The following AK7 variants were observed in gnomAD, a reference collection of about 807,000 sequenced individuals.
AK7 encodes adenylate kinase 7.
Under a neutral mutation model 96.6 loss-of-function variants are expected in AK7, and 78 were observed. The ratio of observed to expected loss-of-function variants is 0.81; its 90% CI spans 0.67 to 0.97. AK7 has a LOEUF of 0.97. Ranked by LOEUF, AK7 falls within the 50% of genes least tolerant of loss-of-function variation. AK7 has a pLI of 0.00. For missense variants in AK7, 855 were observed against 887.9 expected (o/e 0.96, Z 0.47); for synonymous variants, 302 against 317.2 (o/e 0.95, Z 0.51).
chr14:96,452,649 C>A (rs1254127658), intron 10 of AK7, among the ~76,000 whole-genome samples: 1 of 151,592 alleles, frequency 6.6e-6, no homozygotes, highest in African/African-American at 2.4e-5. Flanking sequence ...CTTTTTCTTT[C>A]TTTCTTTCTT....
chr14:96,437,554 C>T (rs555971060), intron 5 of AK7, among the ~76,000 whole-genome samples: 10 of 152,106 alleles, frequency 6.6e-5, no homozygotes, highest in East Asian at 1.9e-4. Flanking sequence ...CCCTCAGTGC[C>T]GAGCATAGAG....
At chr14:96,448,722 C>T (rs1893394569) in intron 8 of AK7, among the ~76,000 whole-genome samples, 1 of 150,958 alleles carries the variant, frequency 6.6e-6, no homozygotes, top group African/African-American at 2.4e-5. Context: ...TTGGGAGGCC[C>T]AGGCAGGCAG....
At chr14:96,452,204 T>C (rs559141066) in intron 10 of AK7, among the ~76,000 whole-genome samples, 4 of 152,368 alleles carry the variant, frequency 2.6e-5, no homozygotes, top group Admixed American at 6.5e-5. Flanking sequence ...GTGGAATGGC[T>C]AAATCGAGCT....
intron 6 of AK7, among the ~76,000 whole-genome samples, chr14:96,440,470 C>T (rs1353540315): frequency 4.6e-5 from 7 of 152,152 alleles, no homozygotes; most frequent in Non-Finnish European, 7.3e-5. Flanking sequence ...ATGACTGATA[C>T]CAATGACTCA....
At chr14:96,412,527 C>T (rs151108543) in intron 4 of AK7, among the ~76,000 whole-genome samples, 3,083 of 147,332 alleles carry the variant, frequency 0.021, 51 homozygotes, top group Non-Finnish European at 0.031. Flanking sequence ...TGCGCCCGGC[C>T]GTGACTCCTG....
At chr14:96,488,239 T>C in intron 17 of AK7, 66 bp from the exon 18 acceptor site, 1 of 1,455,820 alleles carries the variant, frequency 6.9e-7, no homozygotes, top group Non-Finnish European at 9.6e-7. Context: ...TTGTAAACAT[T>C]ACTAATACAA....
chr14:96,485,246 A>G (rs1221255233), intron 16 of AK7, among the ~76,000 whole-genome samples: 1 of 152,142 alleles, frequency 6.6e-6, no homozygotes, highest in Admixed American at 6.6e-5. Context: ...TCTGTTTGTT[A>G]AGCATTTATG....
chr14:96,477,530 C>T (rs1895253643), intron 14 of AK7, among the ~76,000 whole-genome samples: 1 of 152,212 alleles, frequency 6.6e-6, no homozygotes, highest in Non-Finnish European at 1.5e-5. Context: ...CTAAGAATCA[C>T]AACTCACCTT....
chr14:96,473,791 C>T (rs1895034255), intron 14 of AK7, among the ~76,000 whole-genome samples: 1 of 152,178 alleles, frequency 6.6e-6, no homozygotes, highest in Non-Finnish European at 1.5e-5. Flanking sequence ...ATGTAGCCTC[C>T]TTCCCTGCCC....
At chr14:96,422,590 A>G (rs1015666263) in intron 5 of AK7, among the ~76,000 whole-genome samples, 7 of 152,162 alleles carry the variant, frequency 4.6e-5, no homozygotes, top group Non-Finnish European at 8.8e-5. Flanking sequence ...TGGGATAGGA[A>G]TCTTGGTGAT....
At chr14:96,482,353 T>G (rs960025527) in intron 15 of AK7, among the ~76,000 whole-genome samples, 1 of 152,222 alleles carries the variant, frequency 6.6e-6, no homozygotes, top group Non-Finnish European at 1.5e-5. Flanking sequence ...AGTACCAAAA[T>G]GTGTCTGCTG....
rs543148922 is a variant in AK7 at position 96,438,295 on chromosome 14, T to G, written c.690+380T>G. On this transcript the variant is annotated intron_variant, in intron 6 of 17. Transcript: ENST00000267584. ...TAAGCAAGCCGGTAAATGTTGAGTA[T>G]TTCAGATGTTGAAACAGGGTATGGA... 3.3e-5 allele frequency among the ~76,000 whole-genome samples: 5 copies of G among 152,212 alleles called. No homozygotes were observed. The South Asian group carries it at 1.0e-3, about 32-fold the overall frequency.
At chr14:96,458,508 G>A (rs371063184) in intron 12 of AK7, among the ~76,000 whole-genome samples, 3 of 151,954 alleles carry the variant, frequency 2.0e-5, no homozygotes, top group South Asian at 2.1e-4. Flanking sequence ...TTGGGAGGCC[G>A]AGGCGGGTGG....
chr14:96,426,179 T>C (rs1397784551), intron 5 of AK7, among the ~76,000 whole-genome samples: 1 of 152,186 alleles, frequency 6.6e-6, no homozygotes, highest in Non-Finnish European at 1.5e-5. Context: ...TGTGCAACCA[T>C]TGTAAGTTTT....
At chr14:96,464,895 A>C (rs1385395735) in intron 12 of AK7, among the ~76,000 whole-genome samples, 2 of 152,162 alleles carry the variant, frequency 1.3e-5, no homozygotes, top group Non-Finnish European at 2.9e-5. Context: ...GTTTGGCTTT[A>C]TCTGGCCTTT....
Position 96,461,661 on chromosome 14 carries a change from G to A in AK7, c.1357+3449G>A, listed in dbSNP as rs566686945. ...GGCTGTAGTGCAGTGGTGTGATCTC[G>A]GCTCACTGCAAGCTCTGCCTCCTGG... On this transcript the variant is annotated intron_variant, in intron 12 of 17. Coordinates refer to ENST00000267584, the MANE Select transcript of AK7 (RefSeq NM_152327.5). Among the ~76,000 whole-genome samples, 8 of 151,402 alleles carry A rather than the reference G, an allele frequency of 5.3e-5. No individual in the cohort carries two copies. In the South Asian group the frequency reaches 1.0e-3, roughly 20 times the overall value.
intron 4 of AK7, among the ~76,000 whole-genome samples, chr14:96,415,291 A>AAAAT (rs1006657608): frequency 2.9e-4 from 44 of 152,116 alleles, no homozygotes; most frequent in South Asian, 2.5e-3. Context: ...ACCATCTCTA[A>AAAAT]AAATAAATAA....
chr14:96,429,447 T>C (rs963707773), intron 5 of AK7, among the ~76,000 whole-genome samples: 5 of 152,230 alleles, frequency 3.3e-5, no homozygotes, highest in Non-Finnish European at 5.9e-5. Flanking sequence ...CAATGCGGGC[T>C]CTTTTTTGGT....
chr14:96,423,336 C>T (rs1458219684), intron 5 of AK7, among the ~76,000 whole-genome samples: 1 of 152,126 alleles, frequency 6.6e-6, no homozygotes, highest in Non-Finnish European at 1.5e-5. Flanking sequence ...TTATTTTTAA[C>T]CTCCCTTAAA....
Sources: allele counts gnomAD v4.1 joint callset (sites outside exome capture counted in the v4.1 genomes callset), GRCh38; gene constraint gnomAD v4.1.1; transcripts MANE v1.5; gene names NCBI Gene and HGNC (gene_info 2026-07-23, HGNC 2026-07-21).